Variants in NAALADL2 observed in about 807,000 individuals in gnomAD.
The protein encoded by NAALADL2 is inactive N-acetylated-alpha-linked acidic dipeptidase-like protein 2.
NAALADL2 carries 76 observed loss-of-function variants against 87.2 expected under a neutral mutation model. The observed-to-expected ratio is 0.87, with a 90% CI of 0.72 to 1.05. The LOEUF is 1.05. NAALADL2 is among the 50% of genes least tolerant of loss of function. The pLI, the probability that NAALADL2 is intolerant of heterozygous loss-of-function variation, is 0.00. For synonymous variants in NAALADL2, 354 were observed against 331.0 expected, an observed-to-expected ratio of 1.07 and a Z score of -0.75; for missense variants, 1,089 against 945.8, an observed-to-expected ratio of 1.15 and a Z score of -1.99.
At chr3:174,530,010 CG>C (rs1330919292) in intron 1 of NAALADL2, among the ~76,000 whole-genome samples, 1 of 152,116 alleles carries the variant, frequency 6.6e-6, no homozygotes, top group Non-Finnish European at 1.5e-5. Context: ...TTTCTGCAGC[CG>C]GCTTGAATTT....
chr3:174,459,340 G>A (rs918020883), intron 1 of NAALADL2: 4 of 152,186 alleles, frequency 2.6e-5, no homozygotes, highest in Non-Finnish European at 5.9e-5. Flanking sequence ...AAGACTGAGT[G>A]ATATGAGGGA....
chr3:174,531,609 A>G (rs1352411698), intron 1 of NAALADL2, among the ~76,000 whole-genome samples: 1 of 152,176 alleles, frequency 6.6e-6, no homozygotes, highest in African/African-American at 2.4e-5. Context: ...GCTCTGGGGA[A>G]ATGATGTTTA....
intron 1 of NAALADL2, among the ~76,000 whole-genome samples, chr3:175,073,641 T>A (rs567554049): frequency 6.6e-6 from 1 of 152,226 alleles, no homozygotes; most frequent in South Asian, 2.1e-4. Flanking sequence ...TTGTGAAGAA[T>A]GTATTTCAAG....
At chr3:174,612,253 A>G (rs1056685104) in intron 2 of NAALADL2, among the ~76,000 whole-genome samples, 3 of 151,908 alleles carry the variant, frequency 2.0e-5, no homozygotes, top group South Asian at 2.1e-4. Flanking sequence ...TTATTATTAA[A>G]TGTCTTGAGG....
intron 2 of NAALADL2, among the ~76,000 whole-genome samples, chr3:174,619,423 A>C (rs1720786416): frequency 6.6e-6 from 1 of 151,964 alleles, no homozygotes; most frequent in Non-Finnish European, 1.5e-5. Context: ...CTATGCCAAC[A>C]ATCTCCCTAG....
At chr3:174,890,028 GCCATGGTT>G (rs1214508958) in intron 1 of NAALADL2, among the ~76,000 whole-genome samples, 1 of 152,082 alleles carries the variant, frequency 6.6e-6, no homozygotes. Context: ...ATGAGTTCAG[GCCATGGTT>G]CCAAATTGTA....
At chr3:175,299,998 G>T (rs536689324) in intron 4 of NAALADL2, among the ~76,000 whole-genome samples, 1 of 152,124 alleles carries the variant, frequency 6.6e-6, no homozygotes, top group South Asian at 2.1e-4. Context: ...TAGGATGAAG[G>T]GGTGTTGAAT....
intron 10 of NAALADL2, among the ~76,000 whole-genome samples, chr3:175,622,344 G>A (rs1004577776): frequency 6.6e-6 from 1 of 152,048 alleles, no homozygotes; most frequent in Non-Finnish European, 1.5e-5. Context: ...CCGTAAAACA[G>A]CTCAACTATC....
chr3:174,770,669 T>C (rs374088831), intron 3 of NAALADL2, among the ~76,000 whole-genome samples: 1 of 151,908 alleles, frequency 6.6e-6, no homozygotes, highest in African/African-American at 2.4e-5. Context: ...TGAAAACCCG[T>C]CTCTACTAAA....
intron 3 of NAALADL2, among the ~76,000 whole-genome samples, chr3:174,779,219 C>T (rs578138612): frequency 6.6e-6 from 1 of 152,296 alleles, no homozygotes; most frequent in Non-Finnish European, 1.5e-5. Flanking sequence ...TTGCATTTCT[C>T]TAATGACCAG....
chr3:175,332,810 T>G (rs1761548360), intron 5 of NAALADL2, among the ~76,000 whole-genome samples: 1 of 152,190 alleles, frequency 6.6e-6, no homozygotes, highest in South Asian at 2.1e-4. Flanking sequence ...TATCTGTTTT[T>G]TGAGAGTGAG....
At chr3:174,650,763 T>C (rs1724278935) in intron 2 of NAALADL2, among the ~76,000 whole-genome samples, 1 of 151,594 alleles carries the variant, frequency 6.6e-6, no homozygotes, top group Non-Finnish European at 1.5e-5. Flanking sequence ...ATGTAGAATA[T>C]GAAGAGACAA....
chr3:175,719,697 G>A (rs900390076), intron 11 of NAALADL2, among the ~76,000 whole-genome samples: 1 of 152,128 alleles, frequency 6.6e-6, no homozygotes, highest in African/African-American at 2.4e-5. Context: ...CAATCTGATA[G>A]CCAGTCTCAC....
At chr3:174,882,677 G>GCA (rs1560319028) in intron 1 of NAALADL2, among the ~76,000 whole-genome samples, 13 of 136,378 alleles carry the variant, frequency 9.5e-5, no homozygotes, top group African/African-American at 3.3e-4. Flanking sequence ...ACACATATGT[G>GCA]TATATGTGTA....
chr3:175,015,212 G>A (rs911964891), intron 1 of NAALADL2, among the ~76,000 whole-genome samples: 5 of 152,000 alleles, frequency 3.3e-5, no homozygotes, highest in Admixed American at 6.6e-5. Flanking sequence ...TCAGTATCAC[G>A]TTTAGCTCTA....
At chr3:174,757,451 T>C (rs1712254344) in intron 3 of NAALADL2, among the ~76,000 whole-genome samples, 1 of 152,096 alleles carries the variant, frequency 6.6e-6, no homozygotes, top group Admixed American at 6.5e-5. Context: ...AGAGATGCTT[T>C]GGTTTTCCTC....
At chr3:175,241,676 T>A (rs1746907984) in intron 3 of NAALADL2, among the ~76,000 whole-genome samples, 1 of 152,032 alleles carries the variant, frequency 6.6e-6, no homozygotes, top group Non-Finnish European at 1.5e-5. Context: ...AAATATTTGT[T>A]AGAGAGAGTA....
intron 2 of NAALADL2, among the ~76,000 whole-genome samples, chr3:175,188,380 C>A (rs1319928409): frequency 3.9e-5 from 6 of 152,122 alleles, no homozygotes; most frequent in Admixed American, 3.9e-4. Context: ...TGGTATGACA[C>A]CCCACCCCCG....
chr3:174,896,987 CTG>C (rs933202359), intron 1 of NAALADL2, among the ~76,000 whole-genome samples: 3 of 152,146 alleles, frequency 2.0e-5, no homozygotes, highest in Admixed American at 6.5e-5. Context: ...ACAAATGAAA[CTG>C]TGTCTCACCA....
Sources: gnomAD v4.1 joint callset for allele counts (sites outside exome capture counted in the v4.1 genomes callset) on GRCh38, gnomAD v4.1.1 for gene constraint, MANE v1.5 for transcripts, NCBI Gene and HGNC (gene_info 2026-07-23, HGNC 2026-07-21) for gene names.